The following ZKSCAN8 variants were observed in gnomAD, a reference collection of about 807,000 sequenced individuals.
ZKSCAN8 encodes zinc finger protein with KRAB and SCAN domains 8.
Under a neutral mutation model 57.2 loss-of-function variants are expected in ZKSCAN8, and 27 were observed. That is an observed-to-expected ratio of 0.47 (90% CI 0.35 to 0.65). ZKSCAN8 has a LOEUF of 0.65. ZKSCAN8 is among the 30% of genes least tolerant of loss of function. The probability of loss-of-function intolerance (pLI) is 0.01; values close to 1 mark genes in which losing one functional copy is unlikely to be tolerated. For synonymous variants in ZKSCAN8, 214 were observed against 248.7 expected (o/e 0.86, Z 1.31); for missense variants, 597 against 696.3 (o/e 0.86, Z 1.60).
At position 28,153,703 on chromosome 6, in the gene ZKSCAN8, T is replaced by G. The variant is rs754350277; in HGVS notation, c.1423T>G (p.Ser475Ala). 1 of 1,612,528 alleles carries G rather than the reference T, an allele frequency of 6.2e-7. No homozygotes were observed. The highest frequency in any genetic ancestry group is 8.5e-7 in the Non-Finnish European group (1 of 1,179,700). ...DECGKTFRRS[S>A]HLIGHQRSHT... ...GTGTGGGAAAACCTTCAGGCGGAGC[T>G]CACATCTTATTGGTCATCAGAGGAG... The change falls in exon 6 of 6, where the codon TCA becomes GCA. Residue 475 changes from serine to alanine, a missense_variant. Ser to Ala is a moderately conservative substitution (Grantham distance 99, BLOSUM62 1). Transcript: ENST00000330236.
At chr6:28,149,740 C>G in intron 3 of ZKSCAN8, 116 bp downstream of exon 3, 1 of 1,172,458 alleles carries the variant, frequency 8.5e-7, no homozygotes, top group Non-Finnish European at 1.2e-6. Flanking sequence ...CAGACCAGTC[C>G]CAAAGTCTGT....
chr6:28,145,004 C>T (rs1480926688), intron 1 of ZKSCAN8, among the ~76,000 whole-genome samples: 1 of 152,170 alleles, frequency 6.6e-6, no homozygotes, highest in Non-Finnish European at 1.5e-5. Flanking sequence ...TTGCAGTGAG[C>T]CGAGTTCGCG....
Position 28,148,728 on chromosome 6 carries a change from C to G in ZKSCAN8, c.321C>G (p.Leu107=), listed in dbSNP as rs775912960. The G allele has an allele frequency of 4.8e-5, 77 of 1,614,006 alleles. No homozygotes were observed. In the South Asian group the frequency reaches 6.9e-4, roughly 14 times the overall value. The change falls in exon 2 of 6, where the codon CTC becomes CTG. Residue 107 remains leucine (L), a synonymous_variant. Coordinates refer to ENST00000330236, the MANE Select transcript of ZKSCAN8 (RefSeq NM_006298.4). ...EQFLTILPEE[L]QTLVKEHQLE... is the part of the protein sequence containing the mutation. ...TCTTGACCATCCTACCTGAGGAGCT[C>G]CAGACACTGGTTAAGGAACATCAGC... is the stretch of plus-strand genomic sequence containing the variant.
Position 28,153,379 on chromosome 6 carries a change from T to C in ZKSCAN8, c.1099T>C (p.Ser367Pro). The C allele has an allele frequency of 1.2e-6, 2 of 1,612,278 alleles. No homozygotes were observed. Among genetic ancestry groups the C allele is most frequent in the Non-Finnish European group, 1.7e-6 (2 of 1,179,516 alleles). Residue 367 changes from serine (S) to proline (P), a missense_variant, in exon 6 of 6, where the codon TCA becomes CCA. Transcript: ENST00000330236. Reference sequence around the variant, plus strand: ...CTTCAGTTACAGGTCAGCCCTTCTTTCACATCAGGATATCCACAACAAAGT... The same window carrying C: ...CTTCAGTTACAGGTCAGCCCTTCTTCCACATCAGGATATCCACAACAAAGT... Reference protein sequence around the residue: ...KAFSYRSALLSHQDIHNKVKR... With the variant: ...KAFSYRSALLPHQDIHNKVKR...
intron 2 of ZKSCAN8, 86 bp from the exon 3 acceptor site, chr6:28,149,397 C>T: frequency 6.6e-7 from 1 of 1,516,368 alleles, no homozygotes; most frequent in Non-Finnish European, 9.0e-7. Context: ...AGCATATATC[C>T]CTGTAGATGT....
chr6:28,152,117 T>C, intron 4 of ZKSCAN8, 144 bp from the exon 5 acceptor site: 4 of 1,402,366 alleles, frequency 2.9e-6, no homozygotes, highest in Admixed American at 2.4e-5. Context: ...TGCATTTTCC[T>C]CTTCTTCCTA....
chr6:28,149,470 CTGT>C lies in ZKSCAN8; in HGVS notation c.418-8_418-6del, dbSNP rs1765519003. On this transcript the variant is annotated splice_polypyrimidine_tract_variant and intron_variant, in intron 2 of 5. Coordinates refer to ENST00000330236, the MANE Select transcript of ZKSCAN8 (RefSeq NM_006298.4). ...AAGGGATTCCTTATTATCCAACTGT[CTGT>C]TGTTTCCAGGTCTCAGCTCGCGTAC... 6.2e-7 allele frequency: 1 copy of C among 1,613,156 alleles called. No individual in the cohort carries two copies. Among genetic ancestry groups the C allele is most frequent in the African/African-American group, 1.3e-5 (1 of 74,856 alleles).
rs1273091699 is a variant in ZKSCAN8, at chr6:28,144,017, A to G, written c.-93+1988A>G. On this transcript the variant is annotated intron_variant, in intron 1 of 5. Coordinates refer to ENST00000330236, the MANE Select transcript of ZKSCAN8 (RefSeq NM_006298.4). This position sits in a 1 kb window ranked among gnomAD's most constrained non-coding sequence, Gnocchi z 4.5. ...TAGCAAATTCCTCCACTTTCCTGTA[A>G]AGTCATAATCAATGAACTATACCCC... is the stretch of plus-strand genomic sequence containing the variant. 6.6e-6 allele frequency among the ~76,000 whole-genome samples: 1 copy of G among 152,158 alleles called. No individual in the cohort carries two copies. The highest frequency in any genetic ancestry group is 1.5e-5 in the Non-Finnish European group (1 of 68,032).
chr6:28,156,239 C>G lies in ZKSCAN8; in HGVS notation c.*2222C>G. The G allele has an allele frequency of 5.0e-6, 2 of 398,294 alleles. No individual in the cohort carries two copies. The highest frequency in any genetic ancestry group is 8.9e-6 in the Non-Finnish European group (2 of 225,896). The allele number at this position is 398,294 out of a possible 1,614,324, so 24.7% of individuals were successfully genotyped here. A position where few individuals can be genotyped will look rare whatever the true frequency, so the allele number is the denominator to read the frequency against. ...CTTCTCTTCTATTCCAATAAAAAGT[C>G]CTTTTAGCAATGCAACATATTAACA... is the stretch of plus-strand genomic sequence containing the variant. On this transcript the variant is annotated 3_prime_UTR_variant, in exon 6 of 6. Coordinates refer to ENST00000330236, the MANE Select transcript of ZKSCAN8 (RefSeq NM_006298.4).
Position 28,149,522 on chromosome 6 carries a change from G to T in ZKSCAN8, c.457G>T (p.Glu153Ter). ...RVHGHRVLWE[E>*]VVHSASAPEP... ...ACATGGACATAGGGTACTCTGGGAG[G>T]AGGTAGTACATTCAGCATCTGCACC... Residue 153 changes from glutamate to a stop codon, truncating the protein, a stop_gained, in exon 3 of 6, where the codon GAG (glutamate) becomes TAG (stop). Coordinates refer to ENST00000330236, the MANE Select transcript of ZKSCAN8 (RefSeq NM_006298.4). LOFTEE classifies it high-confidence loss of function. 6.2e-7 allele frequency: 1 copy of T among 1,614,088 alleles called. No homozygotes were observed. Among genetic ancestry groups the T allele is most frequent in the Non-Finnish European group, 8.5e-7 (1 of 1,180,008 alleles).
At chr6:28,149,006 AT>A (rs1765498745) in intron 2 of ZKSCAN8, among the ~76,000 whole-genome samples, 182 bp downstream of exon 2, 1 of 152,174 alleles carries the variant, frequency 6.6e-6, no homozygotes, top group South Asian at 2.1e-4. Flanking sequence ...ATATAAATCC[AT>A]TTTGTTTTTG....
chr6:28,146,033 C>G (rs1203944222), intron 1 of ZKSCAN8, among the ~76,000 whole-genome samples: 4 of 152,290 alleles, frequency 2.6e-5, no homozygotes, highest in South Asian at 2.1e-4. Context: ...CATTGCAGTT[C>G]TAGGCAAGAG....
chr6:28,151,984 T>C, intron 4 of ZKSCAN8, 48 bp downstream of exon 4: 2 of 1,593,520 alleles, frequency 1.3e-6, no homozygotes, highest in Non-Finnish European at 1.7e-6. Context: ...TGCTTGTCAG[T>C]GTTTGTGGCA....
Position 28,144,658 on chromosome 6 carries a change from C to G in ZKSCAN8, c.-93+2629C>G, listed in dbSNP as rs1765328528. ...CCACATTCTCACAATGTGATAAGTCCTATATTTGGACCATGTTAAAAATGC... is the reference window on the plus strand; with the variant it reads ...CCACATTCTCACAATGTGATAAGTCGTATATTTGGACCATGTTAAAAATGC... On this transcript the variant is annotated intron_variant, in intron 1 of 5. Transcript: ENST00000330236. This position sits in a 1 kb window ranked among gnomAD's most constrained non-coding sequence, Gnocchi z 4.5. 6.6e-6 allele frequency among the ~76,000 whole-genome samples: 1 copy of G among 152,186 alleles called. No homozygotes were observed. The highest frequency in any genetic ancestry group is 2.1e-4 in the South Asian group (1 of 4,834).
In ZKSCAN8 at chr6:28,146,292, A is replaced by G. The variant is rs373760132; in HGVS notation, c.-92-2024A>G. ...GTTTTGAAGTCAGAATTCCTTTGGAACTAATAAATATACAGTTATGGGAAA... is the reference window on the plus strand; with the variant it reads ...GTTTTGAAGTCAGAATTCCTTTGGAGCTAATAAATATACAGTTATGGGAAA... On this transcript the variant is annotated intron_variant, in intron 1 of 5. Transcript: ENST00000330236. Among the ~76,000 whole-genome samples, 11 of 152,218 alleles carry G rather than the reference A, an allele frequency of 7.2e-5. No homozygotes were observed. The East Asian group carries it at 1.3e-3, about 19-fold the overall frequency.
rs149099230 is a variant in ZKSCAN8 at position 28,153,218 on chromosome 6, G to A, written c.938G>A (p.Arg313Gln). ...CTTCTGGGCAGATTAGAGAGGCAGC[G>A]GGGAAATCCCACACAAGAGAGACGA... ...RDLLGRLERQ[R>Q]GNPTQERRHK... The change falls in exon 6 of 6, where the codon CGG becomes CAG. Residue 313 changes from arginine (R) to glutamine (Q), a missense_variant. By Grantham distance (43) the Arg-to-Gln change is conservative (BLOSUM62 1). Transcript: ENST00000330236. The A allele has an allele frequency of 4.5e-5, 73 of 1,614,014 alleles. No individual in the cohort carries two copies. Among genetic ancestry groups the A allele is most frequent in the African/African-American group, 1.6e-4 (12 of 74,902 alleles).
intron 5 of ZKSCAN8, 46 bp downstream of exon 5, chr6:28,152,430 G>C: frequency 6.4e-7 from 1 of 1,564,864 alleles, no homozygotes; most frequent in Non-Finnish European, 8.6e-7. Context: ...TTTTTTGTTT[G>C]TTTGTTGTTT....
Position 28,148,552 on chromosome 6 carries a change from G to C in ZKSCAN8, c.145G>C (p.Val49Leu). Residue 49 changes from valine (V) to leucine (L), a missense_variant, in exon 2 of 6, where the codon GTG (valine) becomes CTG (leucine). Physicochemically the swap from Val to Leu is conservative, Grantham distance 32 (BLOSUM62 1). Transcript: ENST00000330236. ...TGAAAGTAACCCTCTTGGCCAAGAA[G>C]TGTTCCGCCTGCGCTTCAGGCAGTT... ...LHESNPLGQEVFRLRFRQLRY... is the reference protein window; with the variant it reads ...LHESNPLGQELFRLRFRQLRY... 1.2e-6 allele frequency: 2 copies of C among 1,614,200 alleles called. No homozygotes were observed. Among genetic ancestry groups the C allele is most frequent in the Non-Finnish European group, 1.7e-6 (2 of 1,180,036 alleles).
rs1765756641 is a variant in ZKSCAN8 at position 28,155,575 on chromosome 6, ATTAACCT to A, written c.*1563_*1569del. On this transcript the variant is annotated 3_prime_UTR_variant, in exon 6 of 6. Coordinates refer to ENST00000330236, the MANE Select transcript of ZKSCAN8 (RefSeq NM_006298.4). Reference sequence around the variant, plus strand: ...ATTGAGAAATTTTGGGCTTTCCAAAATTAACCTTTAAACTTAAAATTGATTACATTGA... The same window carrying A: ...ATTGAGAAATTTTGGGCTTTCCAAAATTAAACTTAAAATTGATTACATTGA... The A allele has an allele frequency of 6.6e-6, 1 of 152,222 alleles. No homozygotes were observed. Among genetic ancestry groups the A allele is most frequent in the East Asian group, 1.9e-4 (1 of 5,198 alleles). 9.4% of individuals were successfully genotyped at this position (152,222 alleles called of 1,614,324 possible).
Sources: gnomAD v4.1 joint callset for allele counts (sites outside exome capture counted in the v4.1 genomes callset) on GRCh38, gnomAD v4.1.1 for gene constraint, Gnocchi (gnomAD v3.1) non-coding constraint, MANE v1.5 for transcripts, NCBI Gene and HGNC (gene_info 2026-07-23, HGNC 2026-07-21) for gene names.